Variants in DPF3 observed in about 807,000 individuals in gnomAD.
The protein encoded by DPF3 is double PHD fingers 3.
In DPF3, 18 loss-of-function variants were observed where a neutral mutation model predicts 56.8. The ratio of observed to expected loss-of-function variants is 0.32; its 90% CI spans 0.22 to 0.47. The LOEUF is 0.47. DPF3 is among the 20% of genes least tolerant of loss of function. The pLI, the probability that DPF3 is intolerant of heterozygous loss-of-function variation, is 1.00. For synonymous variants in DPF3, 188 were observed against 180.2 expected, an observed-to-expected ratio of 1.04 and a Z score of -0.35; for missense variants, 403 against 488.8, an observed-to-expected ratio of 0.82 and a Z score of 1.65.
In DPF3 at chr14:72,857,545, C is replaced by T. The variant is rs185055474; in HGVS notation, c.32+36512G>A. Among the ~76,000 whole-genome samples the T allele has an allele frequency of 1.0e-3, 154 of 152,184 alleles. 3 individuals carry two copies. In the East Asian group the frequency reaches 0.019, roughly 18 times the overall value. On this transcript the variant is annotated intron_variant, in intron 1 of 10. Transcript: ENST00000556509. ...ATAACTACAATTAACATTTATTTGGCACCTAGTACATGCTAGGAAGTAGGC... is the reference window on the plus strand; with the variant it reads ...ATAACTACAATTAACATTTATTTGGTACCTAGTACATGCTAGGAAGTAGGC...
At chr14:72,728,250 C>T (rs1889488511) in intron 4 of DPF3, among the ~76,000 whole-genome samples, 1 of 152,130 alleles carries the variant, frequency 6.6e-6, no homozygotes, top group African/African-American at 2.4e-5. Flanking sequence ...CAGTAGGTGG[C>T]TTAAACACCA....
chr14:72,759,307 T>A (rs538304538), intron 2 of DPF3, among the ~76,000 whole-genome samples: 1 of 152,200 alleles, frequency 6.6e-6, no homozygotes, highest in South Asian at 2.1e-4. Flanking sequence ...ATAAATGAGC[T>A]GTGGGGCAAC....
chr14:72,671,060 AAT>A, intron 8 of DPF3: 2 of 1,528,572 alleles, frequency 1.3e-6, no homozygotes, highest in East Asian at 4.8e-5. Flanking sequence ...CATTAAAAAA[AAT>A]ATATATCAGA....
At chr14:72,748,295 C>T (rs2139891199) in intron 3 of DPF3, among the ~76,000 whole-genome samples, 1 of 152,286 alleles carries the variant, frequency 6.6e-6, no homozygotes, top group East Asian at 1.9e-4. Context: ...GCATTTTGCC[C>T]CTGCCCTAGA....
intron 1 of DPF3, among the ~76,000 whole-genome samples, chr14:72,825,045 G>A (rs185236243): frequency 4.2e-4 from 62 of 149,098 alleles, no homozygotes; most frequent in African/African-American, 1.4e-3. Flanking sequence ...ATGCCACCAT[G>A]CCCAACTAAT....
At chr14:72,718,320 C>T (rs147704330) in intron 5 of DPF3, among the ~76,000 whole-genome samples, 2 of 152,312 alleles carry the variant, frequency 1.3e-5, no homozygotes, top group Non-Finnish European at 2.9e-5. Context: ...GACTCGGTCC[C>T]AAGCAGAGAG....
rs1247622409 is a variant in DPF3 at position 72,866,718 on chromosome 14, T to C, written c.32+27339A>G. On this transcript the variant is annotated intron_variant, in intron 1 of 10. Transcript: ENST00000556509. Reference sequence around the variant, plus strand: ...CTAAAAATACAAAATTAGCTGGGCATGGTGGCACATGCCTGTAATCCCAGC... The same window carrying C: ...CTAAAAATACAAAATTAGCTGGGCACGGTGGCACATGCCTGTAATCCCAGC... Among the ~76,000 whole-genome samples, 3 of 150,556 alleles carry C rather than the reference T, an allele frequency of 2.0e-5. 1 individual carries two copies. Among genetic ancestry groups the C allele is most frequent in the South Asian group, 2.1e-4 (1 of 4,786 alleles).
At chr14:72,780,820 C>T (rs1383842266) in intron 1 of DPF3, among the ~76,000 whole-genome samples, 1 of 152,154 alleles carries the variant, frequency 6.6e-6, no homozygotes, top group Non-Finnish European at 1.5e-5. Context: ...TGACATCAGA[C>T]CTATGCCAGG....
At position 72,723,655 on chromosome 14, in the gene DPF3, C is replaced by A; in HGVS notation, c.503G>T (p.Arg168Leu). The A allele has an allele frequency of 6.3e-7, 1 of 1,586,226 alleles. No individual in the cohort carries two copies. Among genetic ancestry groups the A allele is most frequent in the Admixed American group, 1.9e-5 (1 of 52,722 alleles). ...EEDLEEDIPK[R>L]KNRTRGRARG... ...TACCCGTCCTCTAGTCCTGTTCTTT[C>A]GCTTGGGAATATCCTCTTCCAAATC... The change falls in exon 5 of 11, where the codon CGA (arginine) becomes CTA (leucine). Residue 168 changes from arginine to leucine, a missense_variant. Coordinates refer to ENST00000556509, the MANE Select transcript of DPF3 (RefSeq NM_001280542.3).
chr14:72,749,678 T>C (rs1012550312), intron 3 of DPF3, among the ~76,000 whole-genome samples: 1 of 152,192 alleles, frequency 6.6e-6, no homozygotes, highest in Non-Finnish European at 1.5e-5. Context: ...GAGGTGGGTC[T>C]TTCCCATGCT....
In DPF3 at chr14:72,618,986, G is replaced by A. The variant is rs566915872; in HGVS notation, c.*311C>T. On this transcript the variant is annotated 3_prime_UTR_variant, in exon 11 of 11. Coordinates refer to ENST00000556509, the MANE Select transcript of DPF3 (RefSeq NM_001280542.3). Reference sequence around the variant, plus strand: ...CAGGAAATGGCTTCCCTTAAAATGGGAACCAATGAGAGGGCCTCGGTGCTA... The same window carrying A: ...CAGGAAATGGCTTCCCTTAAAATGGAAACCAATGAGAGGGCCTCGGTGCTA... Among the ~76,000 whole-genome samples, 4 of 152,334 alleles carry A rather than the reference G, an allele frequency of 2.6e-5. No homozygotes were observed. The South Asian group carries it at 8.3e-4, about 32-fold the overall frequency.
At chr14:72,770,119 G>GTC (rs1412809830) in intron 2 of DPF3, among the ~76,000 whole-genome samples, 2 of 152,154 alleles carry the variant, frequency 1.3e-5, no homozygotes, top group African/African-American at 2.4e-5. Context: ...ATCAGTAAAA[G>GTC]AGGTAACCAG....
intron 5 of DPF3, among the ~76,000 whole-genome samples, chr14:72,720,952 A>G (rs1787266876): frequency 6.6e-6 from 1 of 152,190 alleles, no homozygotes; most frequent in African/African-American, 2.4e-5. Flanking sequence ...CCAAAATATG[A>G]TAGTTTTATA....
At chr14:72,808,553 A>G (rs1884512951) in intron 1 of DPF3, among the ~76,000 whole-genome samples, 4 of 152,212 alleles carry the variant, frequency 2.6e-5, no homozygotes, top group Admixed American at 2.6e-4. Context: ...TTCCAAGGAC[A>G]GGAGTCTTCC....
intron 2 of DPF3, among the ~76,000 whole-genome samples, chr14:72,767,771 A>AAC (rs1195065481): frequency 1.3e-5 from 2 of 150,266 alleles, no homozygotes; most frequent in African/African-American, 2.4e-5. Context: ...AAAAAAAAAA[A>AAC]AAAAAAAACC....
rs148210886 is a variant in DPF3, at chr14:72,617,879, C to T, written c.*1418G>A. On this transcript the variant is annotated 3_prime_UTR_variant, in exon 11 of 11. Transcript: ENST00000556509. ...GCTGATTTCAGAGAAGCCAAGCATG[C>T]GCGAGGGTTCCGCTCACCGAGACCT... is the stretch of plus-strand genomic sequence containing the variant. 1.3e-5 allele frequency among the ~76,000 whole-genome samples: 2 copies of T among 151,886 alleles called. No individual in the cohort carries two copies. Among genetic ancestry groups the T allele is most frequent in the East Asian group, 3.9e-4 (2 of 5,152 alleles).
rs372605020 is a variant in DPF3 at position 72,773,171 on chromosome 14, C to T, written c.33-1278G>A. ...TTTTTGAGATGGAGTCTCACTCCGT[C>T]GCCCAGGCTGGAGTGCAACGGTGCG... is the stretch of plus-strand genomic sequence containing the variant. On this transcript the variant is annotated intron_variant, in intron 1 of 10. Transcript: ENST00000556509. Among the ~76,000 whole-genome samples the T allele has an allele frequency of 1.9e-3, 284 of 146,944 alleles. 1 individual carries two copies. The highest frequency in any genetic ancestry group is 4.0e-3 in the Admixed American group (59 of 14,636).
At chr14:72,774,994 G>A (rs189305621) in intron 1 of DPF3, among the ~76,000 whole-genome samples, 37 of 152,322 alleles carry the variant, frequency 2.4e-4, no homozygotes, top group African/African-American at 8.4e-4. Context: ...GCTTGGCCCA[G>A]ACAAGATGAC....
At position 72,850,034 on chromosome 14, in the gene DPF3, G is replaced by A. The variant is rs1017434134; in HGVS notation, c.32+44023C>T. The stretch of plus-strand genomic sequence containing the variant: ...CTTGGGAGGCTGAGGCTGAAGAATC[G>A]CTTGAACCCAGGAGGTGGAGGTTGC... On this transcript the variant is annotated intron_variant, in intron 1 of 10. Coordinates refer to ENST00000556509, the MANE Select transcript of DPF3 (RefSeq NM_001280542.3). Among the ~76,000 whole-genome samples, 6 of 152,032 alleles carry A rather than the reference G, an allele frequency of 3.9e-5. No homozygotes were observed. In the East Asian group the frequency reaches 5.8e-4, roughly 15 times the overall value.
Sources: gnomAD v4.1 joint callset for allele counts (sites outside exome capture counted in the v4.1 genomes callset) on GRCh38, gnomAD v4.1.1 for gene constraint, MANE v1.5 for transcripts, NCBI Gene and HGNC (gene_info 2026-07-23, HGNC 2026-07-21) for gene names.